Variants in RBM5 observed in about 807,000 individuals in gnomAD.
RBM5 encodes the protein RNA-binding protein 5.
RBM5 carries 15 observed loss-of-function variants against 124.6 expected under a neutral mutation model. That is an observed-to-expected ratio of 0.12 (90% CI 0.08 to 0.19). The LOEUF (loss-of-function observed/expected upper bound fraction) is 0.19. Ranked by LOEUF, RBM5 falls within the 10% of genes least tolerant of loss-of-function variation. The pLI is 1.00. For missense variants in RBM5, 580 were observed against 1,026.5 expected (o/e 0.57, Z 5.94); for synonymous variants, 337 against 361.2 (o/e 0.93, Z 0.76).
intron 3 of RBM5, chr3:50,092,610 A>T (rs1265787865): frequency 1.9e-5 from 6 of 320,994 alleles, no homozygotes; most frequent in Non-Finnish European, 3.8e-5. Flanking sequence ...TTACATAGGG[A>T]TCACCATGTA....
intron 15 of RBM5, 58 bp downstream of exon 15, chr3:50,109,746 A>G (rs1199046501): frequency 1.1e-5 from 15 of 1,396,306 alleles, no homozygotes; most frequent in Admixed American, 1.7e-5. Context: ...TTGTTTTGCT[A>G]TACAAGTATT....
intron 17 of RBM5, 199 bp from the exon 18 acceptor site, chr3:50,113,184 C>A (rs1314579831): frequency 2.2e-6 from 1 of 451,000 alleles, no homozygotes; most frequent in African/African-American, 2.0e-5. Flanking sequence ...AAATCATATT[C>A]TATTTTTACT....
chr3:50,104,745 A>C (rs2090999165), intron 8 of RBM5: 1 of 297,936 alleles, frequency 3.4e-6, no homozygotes, highest in African/African-American at 2.1e-5. Flanking sequence ...GTTTTCTTTA[A>C]ATCTTTTCCC....
In RBM5 at chr3:50,110,426, C is replaced by T. The variant is rs1317309962; in HGVS notation, c.1326C>T (p.Ala442=). The change falls in exon 16 of 25, where the codon GCC becomes GCT. Residue 442 remains alanine (A), a synonymous_variant. Transcript: ENST00000347869. ...CTAGCACAAGTACACAGGCCCCAGC[C>T]GCTTCCCCTACTGGTGTAGTTCCTG... ...PSTSTSTQAP[A]ASPTGVVPGT... 7 of 1,614,142 alleles carry T rather than the reference C, an allele frequency of 4.3e-6. No homozygotes were observed. Among genetic ancestry groups the T allele is most frequent in the Admixed American group, 1.7e-5 (1 of 60,006 alleles).
chr3:50,104,539 A>G (rs1053388082), intron 8 of RBM5: 2 of 485,168 alleles, frequency 4.1e-6, no homozygotes, highest in Non-Finnish European at 7.5e-6. Flanking sequence ...GCTACTCAGG[A>G]GGTTTAGGTG....
Position 50,115,461 on chromosome 3 carries a change from G to A in RBM5, c.1873G>A (p.Asp625Asn). The change falls in exon 21 of 25, where the codon GAC (aspartate) becomes AAC (asparagine). Residue 625 changes from aspartate to asparagine, a missense_variant. Asp to Asn is a conservative substitution (Grantham distance 23). Transcript: ENST00000347869. ...GLVAAYSGDS[D>N]NEEELVERLE... ...GGTTGCTGCTTACAGTGGTGACAGT[G>A]ACAATGAGGAGGAGCTGGTGGAGAG... 6.2e-7 allele frequency: 1 copy of A among 1,614,090 alleles called. No individual in the cohort carries two copies.
At chr3:50,105,466 A>G (rs1394105533) in intron 9 of RBM5, 83 bp from the exon 10 acceptor site, 2 of 1,372,702 alleles carry the variant, frequency 1.5e-6, no homozygotes, top group African/African-American at 2.9e-5. Context: ...ATGGATTTGT[A>G]TGTACTTGAC....
intron 10 of RBM5, 36 bp downstream of exon 10, chr3:50,105,745 A>T: frequency 6.2e-7 from 1 of 1,606,570 alleles, no homozygotes. Context: ...TTTTAAAAGA[A>T]ACAGCTTTAA....
chr3:50,107,349 C>T, intron 11 of RBM5, 133 bp from the exon 12 acceptor site: 1 of 713,774 alleles, frequency 1.4e-6, no homozygotes, highest in Non-Finnish European at 2.5e-6. Flanking sequence ...ATGAAGAGCC[C>T]TCCCCCTGTG....
chr3:50,117,526 A>G lies in RBM5; in HGVS notation c.2322+147A>G, dbSNP rs562187276. The G allele has an allele frequency of 1.0e-4, 119 of 1,161,512 alleles. 1 individual carries two copies. In the South Asian group the frequency reaches 1.8e-3, roughly 17 times the overall value. The allele number at this position is 1,161,512 out of a possible 1,614,324, so 72.0% of individuals were successfully genotyped here. A position where few individuals can be genotyped will look rare whatever the true frequency, so the allele number is the denominator to read the frequency against. On this transcript the variant is annotated intron_variant, in intron 24 of 24. Coordinates refer to ENST00000347869, the MANE Select transcript of RBM5 (RefSeq NM_005778.4). This position sits in a 1 kb window ranked among gnomAD's most constrained non-coding sequence, Gnocchi z 4.2. ...TTACAGGCATGAGCTCACACCTGTA[A>G]TCCCAGCACTTTGGGAGGCCGAGGA...
At position 50,118,421 on chromosome 3, in the gene RBM5, A is replaced by G; in HGVS notation, c.2413A>G (p.Lys805Glu). 6.2e-7 allele frequency: 1 copy of G among 1,614,110 alleles called. No individual in the cohort carries two copies. Among genetic ancestry groups the G allele is most frequent in the Non-Finnish European group, 8.5e-7 (1 of 1,180,018 alleles). Residue 805 changes from lysine (K) to glutamate (E), a missense_variant, in exon 25 of 25, where the codon AAA (lysine) becomes GAA (glutamate). Around this residue, in one of 6 missense-constraint regions of RBM5, gnomAD observed 234 missense variants for 435.1 expected, o/e 0.54. Transcript: ENST00000347869. ...CGATTCCTACAAAGATGCTGTCCGG[A>G]AAGCCATGTTTGCCCGGTTCACTGA... ...GADSYKDAVR[K>E]AMFARFTEME
At chr3:50,102,953 G>A (rs887538838) in intron 6 of RBM5, 130 bp from the exon 7 acceptor site, 4 of 706,434 alleles carry the variant, frequency 5.7e-6, no homozygotes, top group Non-Finnish European at 7.6e-6. Flanking sequence ...TATAGGTGGC[G>A]GTGGTTGGTC....
intron 4 of RBM5, among the ~76,000 whole-genome samples, chr3:50,097,512 G>A (rs1575307023): frequency 6.6e-6 from 1 of 152,042 alleles, no homozygotes; most frequent in Admixed American, 6.6e-5. Context: ...GTGTAGTCTT[G>A]CAGCCGTTGC....
Position 50,105,684 on chromosome 3 carries a change from C to T in RBM5, c.830C>T (p.Ala277Val), listed in dbSNP as rs781147129. Reference protein sequence around the residue: ...DKQTQQNRGFAFVQLSSAMDA... With the variant: ...DKQTQQNRGFVFVQLSSAMDA... ...CAGACCCAGCAGAACAGAGGCTTCG[C>T]ATTTGTGCAGCTGTCCTCTGCAATG... Residue 277 changes from alanine to valine, a missense_variant, in exon 10 of 25, where the codon GCA becomes GTA. Around this residue, in one of 6 missense-constraint regions of RBM5, gnomAD observed 42 missense variants for 101.1 expected, o/e 0.42. Coordinates refer to ENST00000347869, the MANE Select transcript of RBM5 (RefSeq NM_005778.4). 1.2e-6 allele frequency: 2 copies of T among 1,614,176 alleles called. No individual in the cohort carries two copies. The highest frequency in any genetic ancestry group is 2.2e-5 in the East Asian group (1 of 44,886).
At chr3:50,113,277 A>G in intron 17 of RBM5, 106 bp from the exon 18 acceptor site, 3 of 1,214,350 alleles carry the variant, frequency 2.5e-6, no homozygotes, top group Non-Finnish European at 2.3e-6. Flanking sequence ...CTGGGCAGGA[A>G]ATATCACTAG....
At chr3:50,103,519 C>T (rs543652843) in intron 7 of RBM5, among the ~76,000 whole-genome samples, 34 of 152,080 alleles carry the variant, frequency 2.2e-4, no homozygotes, top group Non-Finnish European at 4.0e-4. Flanking sequence ...TCACGGTGCG[C>T]GCCTGTAATC....
At chr3:50,115,795 G>A (rs766536147) in intron 21 of RBM5, 111 bp from the exon 22 acceptor site, 6 of 1,228,724 alleles carry the variant, frequency 4.9e-6, no homozygotes, top group Non-Finnish European at 7.1e-6. Flanking sequence ...TTATGTGATT[G>A]TGTATTGTTT....
rs1400933163 is a variant in RBM5, at chr3:50,104,134, A to G, written c.568-114A>G. ...TATGTCCCCATGTCTCAGCTACGTGAGACTTTCTGCTTTTCTGTTAGTTAC... is the reference window on the plus strand; with the variant it reads ...TATGTCCCCATGTCTCAGCTACGTGGGACTTTCTGCTTTTCTGTTAGTTAC... On this transcript the variant is annotated intron_variant, in intron 7 of 24. Coordinates refer to ENST00000347869, the MANE Select transcript of RBM5 (RefSeq NM_005778.4). 3 of 820,622 alleles carry G rather than the reference A, an allele frequency of 3.7e-6. No homozygotes were observed. In the Admixed American group the frequency reaches 6.5e-5, roughly 18 times the overall value. The allele number at this position is 820,622 out of a possible 1,614,324, so 50.8% of individuals were successfully genotyped here.
At position 50,117,229 on chromosome 3, in the gene RBM5, CTGTG is replaced by C; in HGVS notation, c.2193-17_2193-14del. ...CTGGGGCCCTGGCTGTTTTAAGTAA[CTGTG>C]TGTTTGCCACTGGCAGGAATTACGA... On this transcript the variant is annotated splice_polypyrimidine_tract_variant and intron_variant, in intron 23 of 24. Transcript: ENST00000347869. The surrounding 1 kb of genome is among the most constrained non-coding windows in gnomAD (Gnocchi z 4.2). 6.2e-7 allele frequency: 1 copy of C among 1,614,168 alleles called. No individual in the cohort carries two copies. Among genetic ancestry groups the C allele is most frequent in the Non-Finnish European group, 8.5e-7 (1 of 1,180,012 alleles).
Sources: gnomAD v4.1 joint callset for allele counts (sites outside exome capture counted in the v4.1 genomes callset) on GRCh38, gnomAD v4.1.1 for gene constraint, gnomAD v4.1.1 regional missense constraint, Gnocchi (gnomAD v3.1) non-coding constraint, MANE v1.5 for transcripts, NCBI Gene and HGNC (gene_info 2026-07-23, HGNC 2026-07-21) for gene names.